The following TTN variants were observed in gnomAD, a reference collection of about 807,000 sequenced individuals.
TTN encodes titin.
Under a neutral mutation model 3,223.0 loss-of-function variants are expected in TTN, and 1,525 were observed. The ratio of observed to expected loss-of-function variants is 0.47; its 90% CI spans 0.45 to 0.49. The LOEUF (loss-of-function observed/expected upper bound fraction) is 0.49, where lower values mean the gene tolerates loss of function less well. Among genes scored for constraint, TTN ranks in the 20% least tolerant of loss-of-function variants. The pLI is 0.00. For synonymous variants in TTN, 14,094 were observed against 15,161.0 expected (o/e 0.93, Z 5.17); for missense variants, 40,786 against 43,424.0 (o/e 0.94, Z 5.40).
chr2:178,712,458 G>C lies in TTN; in HGVS notation c.27464C>G (p.Ser9155Cys), dbSNP rs774307822. 6 of 1,613,764 alleles carry C rather than the reference G, an allele frequency of 3.7e-6. No homozygotes were observed. The South Asian group carries it at 6.6e-5, about 18-fold the overall frequency. ...AGTCGTAGTTATATTACACCTCTGA[G>C]AAGGAGTTACATTTATGCCATTTTT... ...WKKNGINVTP[S>C]QRCNITTTEK... is the part of the protein sequence containing the mutation. Residue 9155 changes from serine (S) to cysteine (C), a missense_variant, in exon 95 of 363, where the codon TCT (serine) becomes TGT (cysteine). By Grantham distance (112) the Ser-to-Cys change is moderately radical. Transcript: ENST00000589042.
chr2:178,572,904 G>A lies in TTN; in HGVS notation c.73228C>T (p.Pro24410Ser). The A allele has an allele frequency of 6.2e-7, 1 of 1,613,356 alleles. No homozygotes were observed. Among genetic ancestry groups the A allele is most frequent in the Non-Finnish European group, 8.5e-7 (1 of 1,179,572 alleles). Residue 24410 changes from proline to serine, a missense_variant, in exon 326 of 363, where the codon CCT (proline) becomes TCT (serine). Coordinates refer to ENST00000589042, the MANE Select transcript of TTN (RefSeq NM_001267550.2). ...TTTGGAGTTCCAGGAACAAGGGCAG[G>A]TTCCCCAAGTCCTTCGGAATTCATG... ...YAMNSEGLGE[P>S]ALVPGTPKAE...
Position 178,750,915 on chromosome 2 carries a change from C to T in TTN, c.11311+2209G>A, listed in dbSNP as rs745454616. Reference sequence around the variant, plus strand: ...CCTCTTGCTTGGGTATTTTCATTTACTAGAATTTCACCATATAAATGGTCT... The same window carrying T: ...CCTCTTGCTTGGGTATTTTCATTTATTAGAATTTCACCATATAAATGGTCT... On this transcript the variant is annotated intron_variant, in intron 47 of 362. Transcript: ENST00000589042. 8.1e-6 allele frequency: 13 copies of T among 1,612,762 alleles called. No homozygotes were observed. In the South Asian group the frequency reaches 9.9e-5, roughly 12 times the overall value.
In TTN at chr2:178,757,899, C is replaced by A; in HGVS notation, c.10321G>T (p.Glu3441Ter). The A allele has an allele frequency of 6.6e-7, 1 of 1,520,366 alleles. No homozygotes were observed. The highest frequency in any genetic ancestry group is 2.3e-5 in the East Asian group (1 of 44,012). The allele number at this position is 1,520,366 out of a possible 1,614,324, so 94.2% of individuals were successfully genotyped here. A position where few individuals can be genotyped will look rare whatever the true frequency, so the allele number is the denominator to read the frequency against. Residue 3441 changes from glutamate to a stop codon, truncating the protein, a stop_gained, in exon 45 of 363, where the codon GAA (glutamate) becomes TAA (stop). Transcript: ENST00000589042. LOFTEE classifies it high-confidence loss of function. ...TGCCATTGGGAGTTTGATGTATTTT[C>A]TTCAAATTTGCTAAATCCTGAAAAG... ...LSLEGFSKFE[E>*]NTSNSQWHVS... is the part of the protein sequence containing the mutation.
At position 178,608,759 on chromosome 2, in the gene TTN, A is replaced by G. The variant is rs553106785; in HGVS notation, c.52252T>C (p.Trp17418Arg). 6.2e-7 allele frequency: 1 copy of G among 1,612,634 alleles called. No individual in the cohort carries two copies. The highest frequency in any genetic ancestry group is 1.3e-5 in the African/African-American group (1 of 74,950). Residue 17418 changes from tryptophan to arginine, a missense_variant, in exon 274 of 363, where the codon TGG becomes CGG. Physicochemically the swap from Trp to Arg is moderately radical, Grantham distance 101. Transcript: ENST00000589042. ...KKDKTKPDSE[W>R]IVVTSTLRHC... ...CTAAGTGTTGAAGTGACAACAATCC[A>G]TTCTGAGTCGGGTTTTGTCTTGTCT... is the stretch of plus-strand genomic sequence containing the variant.
intron 208 of TTN, 57 bp from the exon 209 acceptor site, chr2:178,650,891 T>C (rs2062825525): frequency 6.7e-7 from 1 of 1,499,552 alleles, no homozygotes. Flanking sequence ...ATTAAATTTA[T>C]ACCACATCGA....
intron 159 of TTN, among the ~76,000 whole-genome samples, chr2:178,668,778 T>C (rs2154262827): frequency 6.6e-6 from 1 of 152,102 alleles, no homozygotes; most frequent in South Asian, 2.1e-4. Context: ...CTGTCACTTT[T>C]ACTATTCAGG....
At chr2:178,626,636 G>A (rs963242530) in intron 240 of TTN, among the ~76,000 whole-genome samples, 5 of 151,880 alleles carry the variant, frequency 3.3e-5, no homozygotes, top group African/African-American at 1.2e-4. Context: ...TAATAATTGA[G>A]AGTGGCCAAA....
chr2:178,588,594 A>G lies in TTN; in HGVS notation c.63131T>C (p.Ile21044Thr), dbSNP rs529879601. The change falls in exon 304 of 363, where the codon ATT becomes ACT. Residue 21044 changes from isoleucine to threonine, a missense_variant. Coordinates refer to ENST00000589042, the MANE Select transcript of TTN (RefSeq NM_001267550.2). Reference protein sequence around the residue: ...YQFRVKAENEIGIGEPSLPSR... With the variant: ...YQFRVKAENETGIGEPSLPSR... ...AGGCAAGCTTGGTTCTCCAATTCCA[A>G]TTTCATTTTCTGCCTTGACACGGAA... 5 of 1,559,932 alleles carry G rather than the reference A, an allele frequency of 3.2e-6. No homozygotes were observed. Among genetic ancestry groups the G allele is most frequent in the East Asian group, 4.5e-5 (2 of 44,328 alleles).
At chr2:178,721,722 T>G (rs1168812448) in intron 78 of TTN, 125 bp downstream of exon 78, 2 of 1,065,974 alleles carry the variant, frequency 1.9e-6, no homozygotes, top group Admixed American at 2.7e-5. Context: ...CCTCCAACAC[T>G]AATACACAAA....
chr2:178,734,471 C>G lies in TTN; in HGVS notation c.15353G>C (p.Ser5118Thr), dbSNP rs781058314. 1 of 1,613,708 alleles carries G rather than the reference C, an allele frequency of 6.2e-7. No homozygotes were observed. Among genetic ancestry groups the G allele is most frequent in the East Asian group, 2.2e-5 (1 of 44,842 alleles). ...WFKDKKQIRS[S>T]KKYRLFSQKS... Reference sequence around the variant, plus strand: ...CTGAGAAAACAATCTGTATTTTTTACTACTTCGAATTTGTTTCTTGTCTTT... The same window carrying G: ...CTGAGAAAACAATCTGTATTTTTTAGTACTTCGAATTTGTTTCTTGTCTTT... Residue 5118 changes from serine to threonine, a missense_variant, in exon 52 of 363, where the codon AGT becomes ACT. Coordinates refer to ENST00000589042, the MANE Select transcript of TTN (RefSeq NM_001267550.2).
chr2:178,792,504 T>C (rs1213213082), intron 9 of TTN, among the ~76,000 whole-genome samples: 1 of 152,242 alleles, frequency 6.6e-6, no homozygotes, highest in Admixed American at 6.5e-5. Flanking sequence ...AATATTATTC[T>C]GTACTAATTC....
intron 293 of TTN, 23 bp from the exon 294 acceptor site, chr2:178,597,842 A>C (rs757147056): frequency 1.2e-6 from 2 of 1,612,486 alleles, no homozygotes; most frequent in Non-Finnish European, 8.5e-7. Flanking sequence ...GAAAATTACA[A>C]ATGTGATTTT....
Position 178,683,277 on chromosome 2 carries a change from T to C in TTN, c.32821A>G (p.Lys10941Glu), listed in dbSNP as rs794729410. 1.3e-6 allele frequency: 2 copies of C among 1,542,246 alleles called. No individual in the cohort carries two copies. The highest frequency in any genetic ancestry group is 1.4e-5 in the African/African-American group (1 of 72,830). ...ACTTTTTCTTCTTTAACCACTCTTT[T>C]TCTGAATTCAGTCACTTTAAAGGAG... ...EPPAKVTEFR[K>E]RVVKEEKVSI... The change falls in exon 134 of 363, where the codon AAA becomes GAA. Residue 10941 changes from lysine to glutamate, a missense_variant. Coordinates refer to ENST00000589042, the MANE Select transcript of TTN (RefSeq NM_001267550.2).
At position 178,777,216 on chromosome 2, in the gene TTN, G is replaced by A. The variant is rs1023231093; in HGVS notation, c.4747C>T (p.Pro1583Ser). ...TTCAACCATACAATGTCAGGGTTGG[G>A]GTTACCCGTAGCTCTGACTTTCATT... ...LEMKVRATGN[P>S]NPDIVWLKNS... The change falls in exon 27 of 363, where the codon CCC becomes TCC. Residue 1583 changes from proline to serine, a missense_variant. By Grantham distance (74) the Pro-to-Ser change is moderately conservative (BLOSUM62 -1). Transcript: ENST00000589042. 2 of 1,613,920 alleles carry A rather than the reference G, an allele frequency of 1.2e-6. No homozygotes were observed. The highest frequency in any genetic ancestry group is 1.7e-6 in the Non-Finnish European group (2 of 1,179,970).
Position 178,607,182 on chromosome 2 carries a change from T to C in TTN, c.53420A>G (p.Lys17807Arg). The C allele has an allele frequency of 6.2e-7, 1 of 1,613,056 alleles. No homozygotes were observed. Among genetic ancestry groups the C allele is most frequent in the Non-Finnish European group, 8.5e-7 (1 of 1,179,294 alleles). Reference protein sequence around the residue: ...TGFIIERKDAKMHTWRQPIET... With the variant: ...TGFIIERKDARMHTWRQPIET... ...TATTGGTTGTCTCCAAGTATGCATC[T>C]TGGCATCTTTTCTTTCAATGATAAA... The change falls in exon 278 of 363, where the codon AAG becomes AGG. Residue 17807 changes from lysine to arginine, a missense_variant. Physicochemically the swap from Lys to Arg is conservative, Grantham distance 26 (BLOSUM62 2). Transcript: ENST00000589042.
intron 263 of TTN, 173 bp from the exon 264 acceptor site, chr2:178,613,449 T>G: frequency 1.5e-6 from 1 of 651,112 alleles, no homozygotes; most frequent in Non-Finnish European, 2.5e-6. Context: ...CCACACACTT[T>G]AGACTGGGCC....
chr2:178,665,790 C>T lies in TTN; in HGVS notation c.35877G>A (p.Val11959=), dbSNP rs1489614087. 1 of 1,288,208 alleles carries T rather than the reference C, an allele frequency of 7.8e-7. No homozygotes were observed. The highest frequency in any genetic ancestry group is 2.8e-5 in the East Asian group (1 of 35,228). The allele number at this position is 1,288,208 out of a possible 1,614,324, so 79.8% of individuals were successfully genotyped here. ...VKRRKTPSPT[V]PESPREIVPV... The stretch of plus-strand genomic sequence containing the variant: ...GGACAATTTCTCGAGGTGATTCAGG[C>T]ACTTTAAAGATATGAATGCATTGTA... Residue 11959 remains valine, a splice_region_variant and synonymous_variant, in exon 164 of 363, where the codon GTG becomes GTA. Transcript: ENST00000589042.
At chr2:178,774,501 A>C (rs773111167) in intron 29 of TTN, 28 bp from the exon 30 acceptor site, 30 of 1,606,176 alleles carry the variant, frequency 1.9e-5, no homozygotes, top group Non-Finnish European at 4.2e-6. Context: ...AAGATAAATC[A>C]ATTTTTTTGG....
chr2:178,627,327 T>G (rs1186465753), intron 240 of TTN, among the ~76,000 whole-genome samples: 1 of 151,968 alleles, frequency 6.6e-6, no homozygotes, highest in East Asian at 1.9e-4. Flanking sequence ...TTTTTGCTTG[T>G]TTGGTTATTG....
Sources: allele counts gnomAD v4.1 joint callset (sites outside exome capture counted in the v4.1 genomes callset), GRCh38; gene constraint gnomAD v4.1.1; transcripts MANE v1.5; gene names NCBI Gene and HGNC (gene_info 2026-07-23, HGNC 2026-07-21).